Variants in STOX2 observed in about 807,000 individuals in gnomAD.
STOX2 encodes the protein storkhead-box protein 2.
Under a neutral mutation model 60.9 loss-of-function variants are expected in STOX2, and 28 were observed. The ratio of observed to expected loss-of-function variants is 0.46; its 90% confidence interval spans 0.34 to 0.63. The LOEUF (loss-of-function observed/expected upper bound fraction) is 0.63. Among genes scored for constraint, STOX2 ranks in the 30% least tolerant of loss-of-function variants. STOX2 has a pLI of 0.01. For missense variants in STOX2, 1,024 were observed against 1,187.7 expected (o/e 0.86, Z 2.03); for synonymous variants, 472 against 463.9 (o/e 1.02, Z -0.22).
chr4:184,010,879 G>A lies in STOX2; in HGVS notation c.2041G>A (p.Val681Ile), dbSNP rs61730748. ...VAEGIANGRLVQHHGAEPSSL... is the reference protein window; with the variant it reads ...VAEGIANGRLIQHHGAEPSSL... ...TGAAGGGATCGCCAACGGACGCCTC[G>A]TCCAGCACCATGGTGCCGAGCCCAG... Residue 681 changes from valine (V) to isoleucine (I), a missense_variant, in exon 3 of 4, where the codon GTC becomes ATC. Val to Ile is a conservative substitution (Grantham distance 29). Coordinates refer to ENST00000308497, the MANE Select transcript of STOX2 (RefSeq NM_020225.3). This position sits in a 1 kb window ranked among gnomAD's most constrained non-coding sequence, Gnocchi z 4.5. The A allele has an allele frequency of 5.5e-3, 8,821 of 1,611,704 alleles. 405 individuals carry two copies. The African/African-American group carries it at 0.098, about 18-fold the overall frequency.
intron 1 of STOX2, among the ~76,000 whole-genome samples, chr4:183,802,266 T>C (rs959852814): frequency 3.3e-5 from 5 of 152,270 alleles, no homozygotes; most frequent in Non-Finnish European, 7.3e-5. Flanking sequence ...TAAAATTGTT[T>C]AGAACACATG....
At chr4:183,903,344 T>C (rs1741504326), upstream of STOX2, among the ~76,000 whole-genome samples, 1 of 152,038 alleles carries the variant, frequency 6.6e-6, no homozygotes. Context: ...CACAGACTGT[T>C]CCCCCTTTCT....
chr4:183,908,265 T>C (rs1741674712), intron 1 of STOX2, among the ~76,000 whole-genome samples: 1 of 152,266 alleles, frequency 6.6e-6, no homozygotes, highest in African/African-American at 2.4e-5. Context: ...CTACAGTTTA[T>C]ACTTCAGTCA....
chr4:183,815,944 A>C (rs1739144333), intron 1 of STOX2, among the ~76,000 whole-genome samples: 2 of 152,260 alleles, frequency 1.3e-5, no homozygotes, highest in African/African-American at 2.4e-5. Context: ...ACATGAAATG[A>C]TAAAAAATCT....
intron 1 of STOX2, among the ~76,000 whole-genome samples, chr4:183,944,520 C>T (rs1280161598): frequency 1.3e-5 from 2 of 152,180 alleles, no homozygotes; most frequent in African/African-American, 4.8e-5. Context: ...TCGAGACCTG[C>T]CTGGCCAACA....
In STOX2 at chr4:183,905,887, C is replaced by T; in HGVS notation, c.-904C>T. The T allele has an allele frequency of 6.6e-6, 1 of 152,224 alleles. No homozygotes were observed. The highest frequency in any genetic ancestry group is 1.9e-4 in the East Asian group (1 of 5,176). The allele number at this position is 152,224 out of a possible 1,614,324, so 9.4% of individuals were successfully genotyped here. A position where few individuals can be genotyped will look rare whatever the true frequency, so the allele number is the denominator to read the frequency against. ...GTCCTTGGCAGCCATGGCTCCGGCG[C>T]CGCCTCGGCCAGTAAGTAGGAGCAT... On this transcript the variant is annotated 5_prime_UTR_variant, in exon 1 of 4. Transcript: ENST00000308497.
At chr4:183,916,124 A>G (rs1741924840) in intron 1 of STOX2, among the ~76,000 whole-genome samples, 1 of 152,174 alleles carries the variant, frequency 6.6e-6, no homozygotes, top group Middle Eastern at 3.2e-3. Context: ...GATGATGGAG[A>G]CTGTGAGACA....
intron 1 of STOX2, among the ~76,000 whole-genome samples, chr4:183,954,292 TG>T (rs1406360949): frequency 6.6e-6 from 1 of 151,968 alleles, no homozygotes; most frequent in Non-Finnish European, 1.5e-5. Flanking sequence ...TTTTTGTTTT[TG>T]TTTTTGTTTT....
intron 1 of STOX2, among the ~76,000 whole-genome samples, chr4:183,965,249 C>T (rs1298004953): frequency 6.6e-6 from 1 of 152,108 alleles, no homozygotes; most frequent in African/African-American, 2.4e-5. Flanking sequence ...CTGGAGGTAC[C>T]ATTTCCTTGC....
At position 183,906,637 on chromosome 4, in the gene STOX2, A is replaced by T; in HGVS notation, c.-154A>T. ...TGTGGGGGGGCGTGGGGAGGGCCGG[A>T]CCCGCCGCTGGCGGTGTAGACGCCG... On this transcript the variant is annotated 5_prime_UTR_variant, in exon 1 of 4. Coordinates refer to ENST00000308497, the MANE Select transcript of STOX2 (RefSeq NM_020225.3). The T allele has an allele frequency of 1.2e-6, 1 of 812,280 alleles. No homozygotes were observed. The highest frequency in any genetic ancestry group is 1.9e-6 in the Non-Finnish European group (1 of 540,020). The allele number at this position is 812,280 out of a possible 1,614,324, so 50.3% of individuals were successfully genotyped here. A position where few individuals can be genotyped will look rare whatever the true frequency, so the allele number is the denominator to read the frequency against.
intron 1 of STOX2, among the ~76,000 whole-genome samples, chr4:183,959,300 A>G (rs1385972815): frequency 2.6e-5 from 4 of 152,166 alleles, no homozygotes; most frequent in Admixed American, 2.0e-4. Context: ...TTTGGTATCA[A>G]CGCCAGTTAG....
At chr4:183,952,202 A>C (rs571497149) in intron 1 of STOX2, among the ~76,000 whole-genome samples, 1 of 152,308 alleles carries the variant, frequency 6.6e-6, no homozygotes, top group Admixed American at 6.5e-5. Context: ...CTGCTGCAGA[A>C]CCCACATGCT....
chr4:183,933,493 A>G (rs960037668), intron 1 of STOX2, among the ~76,000 whole-genome samples: 9 of 152,050 alleles, frequency 5.9e-5, no homozygotes, highest in Non-Finnish European at 1.0e-4. Flanking sequence ...GGTTCAAGGG[A>G]TTCTCCAGCC....
Position 183,829,941 on chromosome 4 carries a change from C to A in STOX2, c.364+31886C>A, listed in dbSNP as rs1739527969. On this transcript the variant is annotated intron_variant, in intron 1 of 2. Coordinates refer to the STOX2 transcript ENST00000513034. Reference sequence around the variant, plus strand: ...GCTGGGTGTTTCAGAGACATTTCCTCATGGAATGCTGAAGATGGCCATTAC... The same window carrying A: ...GCTGGGTGTTTCAGAGACATTTCCTAATGGAATGCTGAAGATGGCCATTAC... 3.3e-5 allele frequency among the ~76,000 whole-genome samples: 5 copies of A among 152,208 alleles called. No homozygotes were observed. In the South Asian group the frequency reaches 1.0e-3, roughly 32 times the overall value.
chr4:183,950,991 G>A (rs573909522), intron 1 of STOX2, among the ~76,000 whole-genome samples: 56 of 152,068 alleles, frequency 3.7e-4, no homozygotes, highest in African/African-American at 9.9e-4. Flanking sequence ...CGAGGCGGGC[G>A]GATCACGAGG....
chr4:183,840,053 C>CAT (rs1739818317), intron 1 of STOX2, among the ~76,000 whole-genome samples: 1 of 150,326 alleles, frequency 6.7e-6, no homozygotes, highest in African/African-American at 2.4e-5. Context: ...TGTGTGTGCG[C>CAT]GTGTGTGTGT....
intron 1 of STOX2, among the ~76,000 whole-genome samples, chr4:183,954,360 C>T (rs1025614052): frequency 6.6e-6 from 1 of 152,016 alleles, no homozygotes; most frequent in Non-Finnish European, 1.5e-5. Flanking sequence ...ATGATCTTGG[C>T]TCGCTGCAAC....
chr4:183,967,221 G>A (rs988702221), intron 1 of STOX2, among the ~76,000 whole-genome samples: 1 of 152,154 alleles, frequency 6.6e-6, no homozygotes, highest in Admixed American at 6.5e-5. Context: ...AATTAGCCGG[G>A]TGTGGTGGTG....
intron 1 of STOX2, among the ~76,000 whole-genome samples, chr4:183,952,745 T>G (rs909304720): frequency 1.4e-4 from 21 of 152,208 alleles, no homozygotes; most frequent in Non-Finnish European, 2.4e-4. Flanking sequence ...TAAACAAAGT[T>G]GCACCATTTT....
Sources: allele counts gnomAD v4.1 joint callset (sites outside exome capture counted in the v4.1 genomes callset), GRCh38; gene constraint gnomAD v4.1.1; non-coding constraint Gnocchi (gnomAD v3.1); transcripts MANE v1.5; gene names NCBI Gene and HGNC (gene_info 2026-07-23, HGNC 2026-07-21).